Variants in SKIC3 observed in about 807,000 individuals in gnomAD.
SKIC3 encodes the protein superkiller complex protein 3.
At chr5:95,546,208 C>T in the SKIC3 span, among the ~76,000 whole-genome samples, 1 of 151,986 alleles carries the variant, frequency 6.6e-6, no homozygotes, top group South Asian at 2.1e-4. Context: ...ACCTGAGAAA[C>T]TGAATACAAA....
chr5:95,521,926 A>G, the SKIC3 span: 4 of 1,146,682 alleles, frequency 3.5e-6, no homozygotes, highest in Non-Finnish European at 3.8e-6. Context: ...TAAGAGGTTC[A>G]TATGGATGCT....
the SKIC3 span, among the ~76,000 whole-genome samples, chr5:95,476,752 C>T: frequency 6.6e-6 from 1 of 152,010 alleles, no homozygotes; most frequent in Non-Finnish European, 1.5e-5. Flanking sequence ...AGAGAAAATA[C>T]TTCGGTGGTA....
chr5:95,509,772 A>G, the SKIC3 span: 1 of 851,554 alleles, frequency 1.2e-6, no homozygotes, highest in South Asian at 1.4e-5. Context: ...AGTATCTTAA[A>G]TATCAGATTA....
the SKIC3 span, chr5:95,516,379 A>G: frequency 1.2e-6 from 2 of 1,613,190 alleles, no homozygotes; most frequent in East Asian, 4.5e-5. Context: ...GTGAGGTATA[A>G]CACTCCCAAG....
chr5:95,513,480 A>G, the SKIC3 span: 5 of 1,385,000 alleles, frequency 3.6e-6, no homozygotes, highest in Non-Finnish European at 5.1e-6. Flanking sequence ...GGCATAAGCC[A>G]CTATGCCTAG....
At chr5:95,517,741 T>C in the SKIC3 span, among the ~76,000 whole-genome samples, 1 of 152,128 alleles carries the variant, frequency 6.6e-6, no homozygotes, top group Admixed American at 6.5e-5. Context: ...TGCTTTTAGA[T>C]CTTCTCTCAT....
At chr5:95,528,035 T>C in the SKIC3 span, 2 of 1,613,696 alleles carry the variant, frequency 1.2e-6, no homozygotes, top group Non-Finnish European at 1.7e-6. Context: ...ACGAATTGCT[T>C]CCTCTGAAGA....
chr5:95,516,507 GAC>G, the SKIC3 span: 2 of 1,613,032 alleles, frequency 1.2e-6, no homozygotes, highest in Non-Finnish European at 1.7e-6. Context: ...CTTTTTCATA[GAC>G]ACATAGAATA....
the SKIC3 span, among the ~76,000 whole-genome samples, chr5:95,551,816 T>G: frequency 6.6e-6 from 1 of 152,220 alleles, no homozygotes; most frequent in African/African-American, 2.4e-5. Context: ...ATTTCCTCAC[T>G]GGTAAAGTAA....
At chr5:95,468,245 T>G in the SKIC3 span, among the ~76,000 whole-genome samples, 2 of 152,190 alleles carry the variant, frequency 1.3e-5, no homozygotes, top group African/African-American at 4.8e-5. Context: ...TAGGTAGTTA[T>G]TATTCCTATA....
At chr5:95,464,690 A>C in the SKIC3 span, 2 of 1,608,202 alleles carry the variant, frequency 1.2e-6, no homozygotes, top group Non-Finnish European at 1.7e-6. Context: ...ACCTATGGGA[A>C]ATCACATACA....
At chr5:95,534,634 G>A in the SKIC3 span, among the ~76,000 whole-genome samples, 3 of 152,104 alleles carry the variant, frequency 2.0e-5, no homozygotes, top group Admixed American at 6.5e-5. Flanking sequence ...TTTCCCTGTC[G>A]TCTTGTGTTG....
the SKIC3 span, chr5:95,530,263 A>T: frequency 6.2e-7 from 1 of 1,609,988 alleles, no homozygotes; most frequent in South Asian, 1.1e-5. Context: ...TAGTATACAT[A>T]TATCGAGTTT....
At chr5:95,464,956 T>G in the SKIC3 span, among the ~76,000 whole-genome samples, 29,713 of 134,756 alleles carry the variant, frequency 0.22, 4,796 homozygotes, top group African/African-American at 0.43. Flanking sequence ...ACGGAATCTC[T>G]CTCTGTCACC....
chr5:95,495,850 G>A, the SKIC3 span, among the ~76,000 whole-genome samples: 1 of 152,064 alleles, frequency 6.6e-6, no homozygotes, highest in Non-Finnish European at 1.5e-5. Flanking sequence ...ATTAAAGTTT[G>A]AAAAGCACTG....
the SKIC3 span, chr5:95,495,181 GAA>G: frequency 7.7e-6 from 5 of 646,022 alleles, no homozygotes; most frequent in African/African-American, 1.8e-5. Context: ...ATTGTTGTTT[GAA>G]AAGACTAATA....
the SKIC3 span, chr5:95,541,158 G>A: frequency 5.6e-6 from 4 of 709,636 alleles, no homozygotes; most frequent in Non-Finnish European, 7.4e-6. Context: ...TAGAGACAGG[G>A]TTTCTCCATG....
chr5:95,477,553 C>T, the SKIC3 span, among the ~76,000 whole-genome samples: 1 of 152,208 alleles, frequency 6.6e-6, no homozygotes, highest in East Asian at 1.9e-4. Context: ...AAAATCCAAA[C>T]ACTATCAAAA....
the SKIC3 span, chr5:95,490,841 T>C: frequency 1.9e-6 from 3 of 1,595,216 alleles, no homozygotes; most frequent in Non-Finnish European, 2.6e-6. Context: ...AAGCCGTTTG[T>C]ATTCTGGATT....
Sources: gnomAD v4.1 joint callset for allele counts (sites outside exome capture counted in the v4.1 genomes callset) on GRCh38, gnomAD v4.1.1 for gene constraint, MANE v1.5 for transcripts, NCBI Gene and HGNC (gene_info 2026-07-23, HGNC 2026-07-21) for gene names.